Variants in PCDH9 observed in about 807,000 individuals in gnomAD.
The protein encoded by PCDH9 is protocadherin 9, also known as protocadherin-9.
In PCDH9, 24 loss-of-function variants were observed where a neutral mutation model predicts 70.6. The observed-to-expected ratio is 0.34, with a 90% CI of 0.25 to 0.48. The LOEUF (loss-of-function observed/expected upper bound fraction) is 0.48, where lower values mean the gene tolerates loss of function less well. PCDH9 is among the 20% of genes least tolerant of loss of function. PCDH9 has a pLI of 0.99. For synonymous variants in PCDH9, 562 were observed against 558.5 expected (o/e 1.01, Z -0.09); for missense variants, 1,281 against 1,503.6 (o/e 0.85, Z 2.45).
chr13:67,099,891 G>T (rs2086396383), intron 2 of PCDH9, among the ~76,000 whole-genome samples: 1 of 152,076 alleles, frequency 6.6e-6, no homozygotes, highest in Non-Finnish European at 1.5e-5. Flanking sequence ...TTACCCTCAG[G>T]TAATAAAAGA....
At chr13:66,557,898 T>A (rs1231166419) in intron 4 of PCDH9, among the ~76,000 whole-genome samples, 2 of 152,128 alleles carry the variant, frequency 1.3e-5, no homozygotes, top group Non-Finnish European at 2.9e-5. Flanking sequence ...ATGCCTGTAA[T>A]CCCAACAGTT....
In PCDH9 at chr13:66,459,727, C is replaced by T. The variant is rs117958422; in HGVS notation, c.3341-154699G>A. 7.5e-4 allele frequency among the ~76,000 whole-genome samples: 114 copies of T among 152,102 alleles called. 3 individuals are homozygous for T. The East Asian group carries it at 0.022, about 29-fold the overall frequency. On this transcript the variant is annotated intron_variant, in intron 4 of 4. Coordinates refer to ENST00000377865, the MANE Select transcript of PCDH9 (RefSeq NM_203487.3). ...CATGAAGACAAAATGTATTCGCATG[C>T]TTTAAGCTATGCATTAATGTTTGAT...
chr13:66,663,754 CT>C (rs1200536137), intron 3 of PCDH9, among the ~76,000 whole-genome samples: 4 of 152,184 alleles, frequency 2.6e-5, no homozygotes, highest in African/African-American at 9.7e-5. Flanking sequence ...CAGATTTACT[CT>C]GTAATTCATA....
chr13:66,521,767 G>A (rs977922380), intron 4 of PCDH9, among the ~76,000 whole-genome samples: 2 of 151,976 alleles, frequency 1.3e-5, no homozygotes, highest in African/African-American at 2.4e-5. Flanking sequence ...TACAGGATAC[G>A]ACAATTCACA....
At chr13:66,733,055 T>G (rs1265203831) in intron 3 of PCDH9, among the ~76,000 whole-genome samples, 1 of 152,136 alleles carries the variant, frequency 6.6e-6, no homozygotes, top group African/African-American at 2.4e-5. Flanking sequence ...CAACAAGTGT[T>G]GGGTCCACCA....
chr13:66,343,772 G>A (rs1006391520), intron 4 of PCDH9, among the ~76,000 whole-genome samples: 29 of 152,156 alleles, frequency 1.9e-4, no homozygotes, highest in African/African-American at 5.5e-4. Context: ...ATATCCTCTA[G>A]TTGCAGGAGT....
chr13:66,990,081 C>T (rs2083971149), intron 2 of PCDH9, among the ~76,000 whole-genome samples: 2 of 151,856 alleles, frequency 1.3e-5, no homozygotes, highest in Middle Eastern at 3.4e-3. Flanking sequence ...TGGGTTTCTT[C>T]GTTTTGTTTT....
intron 4 of PCDH9, among the ~76,000 whole-genome samples, chr13:66,331,714 C>T (rs148163236): frequency 2.6e-5 from 4 of 152,244 alleles, no homozygotes; most frequent in Admixed American, 1.3e-4. Flanking sequence ...AGGAACAAGA[C>T]AGAGTATCCC....
intron 3 of PCDH9, among the ~76,000 whole-genome samples, chr13:66,741,965 C>G (rs1355741755): frequency 7.3e-5 from 11 of 149,824 alleles, no homozygotes; most frequent in Non-Finnish European, 1.3e-4. Flanking sequence ...CTACCAATGA[C>G]TGTCTTCACA....
chr13:66,507,847 G>C (rs913357199), intron 4 of PCDH9, among the ~76,000 whole-genome samples: 2 of 152,012 alleles, frequency 1.3e-5, no homozygotes, highest in African/African-American at 2.4e-5. Context: ...TCAGCCTCCT[G>C]AGTAGCTGGG....
At position 66,575,945 on chromosome 13, in the gene PCDH9, G is replaced by A. The variant is rs547449964; in HGVS notation, c.3340+55265C>T. 5.3e-5 allele frequency among the ~76,000 whole-genome samples: 8 copies of A among 151,464 alleles called. No homozygotes were observed. In the South Asian group the frequency reaches 1.7e-3, roughly 32 times the overall value. On this transcript the variant is annotated intron_variant, in intron 4 of 4. Coordinates refer to ENST00000377865, the MANE Select transcript of PCDH9 (RefSeq NM_203487.3). ...CTAAATATGTTAATTTTATGTTTTTGTACCACAATTAGCACATAGGCATAG... is the reference window on the plus strand; with the variant it reads ...CTAAATATGTTAATTTTATGTTTTTATACCACAATTAGCACATAGGCATAG...
intron 2 of PCDH9, among the ~76,000 whole-genome samples, chr13:67,015,134 C>T (rs1331965391): frequency 6.6e-6 from 1 of 152,054 alleles, no homozygotes; most frequent in Non-Finnish European, 1.5e-5. Context: ...TCCTCATTTA[C>T]CACCTTTTCC....
intron 2 of PCDH9, among the ~76,000 whole-genome samples, chr13:66,944,312 A>C (rs1387825932): frequency 6.6e-6 from 1 of 152,166 alleles, no homozygotes; most frequent in East Asian, 1.9e-4. Context: ...CATATTTAGC[A>C]TAAAGAGATA....
intron 4 of PCDH9, among the ~76,000 whole-genome samples, chr13:66,562,498 G>C (rs567944163): frequency 6.6e-6 from 1 of 152,158 alleles, no homozygotes; most frequent in Non-Finnish European, 1.5e-5. Context: ...CAATCATGGC[G>C]GAAGGCAAAG....
chr13:66,548,233 A>G (rs1188500232), intron 4 of PCDH9, among the ~76,000 whole-genome samples: 2 of 152,090 alleles, frequency 1.3e-5, no homozygotes, highest in Non-Finnish European at 2.9e-5. Flanking sequence ...TAAAAAATTT[A>G]AGTGCAAATT....
intron 3 of PCDH9, among the ~76,000 whole-genome samples, chr13:66,718,768 T>A (rs1212858473): frequency 2.6e-5 from 4 of 152,206 alleles, no homozygotes; most frequent in African/African-American, 9.6e-5. Flanking sequence ...GGGTTAACAC[T>A]TCCTATGGTG....
intron 2 of PCDH9, among the ~76,000 whole-genome samples, chr13:67,028,496 C>T (rs1398970819): frequency 6.6e-6 from 1 of 151,324 alleles, no homozygotes; most frequent in Non-Finnish European, 1.5e-5. Flanking sequence ...TGCAGCACAC[C>T]AGCATGGCAC....
intron 4 of PCDH9, among the ~76,000 whole-genome samples, chr13:66,544,316 G>A (rs1961089281): frequency 6.6e-6 from 1 of 152,140 alleles, no homozygotes; most frequent in Admixed American, 6.6e-5. Flanking sequence ...CTAAGGACAT[G>A]CCTGACTCTT....
intron 2 of PCDH9, among the ~76,000 whole-genome samples, chr13:67,159,821 A>G (rs990127144): frequency 6.6e-6 from 1 of 152,208 alleles, no homozygotes; most frequent in African/African-American, 2.4e-5. Flanking sequence ...AGTGCAAAGA[A>G]AACAGATACT....
Sources: allele counts gnomAD v4.1 joint callset (sites outside exome capture counted in the v4.1 genomes callset), GRCh38; gene constraint gnomAD v4.1.1; transcripts MANE v1.5; gene names NCBI Gene and HGNC (gene_info 2026-07-23, HGNC 2026-07-21).